Variants in KHDRBS3 observed in about 807,000 individuals in gnomAD.
KHDRBS3 encodes the protein KH domain-containing, RNA-binding, signal transduction-associated protein 3.
In KHDRBS3, 23 loss-of-function variants were observed where a neutral mutation model predicts 45.6. The ratio of observed to expected loss-of-function variants is 0.50; its 90% CI spans 0.36 to 0.72. The LOEUF (loss-of-function observed/expected upper bound fraction) is 0.72. Among genes scored for constraint, KHDRBS3 ranks in the 30% least tolerant of loss-of-function variants. The pLI is 0.00. For synonymous variants in KHDRBS3, 162 were observed against 156.5 expected (o/e 1.04, Z -0.26); for missense variants, 352 against 424.8 (o/e 0.83, Z 1.51).
chr8:135,616,631 A>G (rs12543485), intron 7 of KHDRBS3, among the ~76,000 whole-genome samples: 25,768 of 152,138 alleles, frequency 0.17, 3,359 homozygotes, highest in East Asian at 0.53. Context: ...CTTACGATCA[A>G]CCATTCATAG....
chr8:135,460,796 T>C (rs1263720534), intron 1 of KHDRBS3, among the ~76,000 whole-genome samples: 2 of 152,248 alleles, frequency 1.3e-5, no homozygotes, highest in Non-Finnish European at 2.9e-5. Context: ...AAAGCCCTCC[T>C]GTGACTAGTG....
intron 1 of KHDRBS3, among the ~76,000 whole-genome samples, chr8:135,494,245 C>T (rs553851297): frequency 3.5e-5 from 5 of 144,758 alleles, no homozygotes; most frequent in African/African-American, 7.7e-5. Context: ...GGTATCTTCT[C>T]GTTATTTTTT....
chr8:135,619,060 G>C (rs1830033084), intron 7 of KHDRBS3, among the ~76,000 whole-genome samples: 1 of 152,182 alleles, frequency 6.6e-6, no homozygotes, highest in Admixed American at 6.6e-5. Context: ...CACACTGCAA[G>C]TGTAAAGGCA....
At chr8:135,562,003 CAAATTTTAAA>C (rs1318464622) in intron 5 of KHDRBS3, among the ~76,000 whole-genome samples, 1 of 151,756 alleles carries the variant, frequency 6.6e-6, no homozygotes, top group Non-Finnish European at 1.5e-5. Flanking sequence ...TAAAAGTTGA[CAAATTTTAAA>C]AAATTACAGT....
intron 2 of KHDRBS3, among the ~76,000 whole-genome samples, chr8:135,529,639 G>T (rs907081579): frequency 6.6e-6 from 1 of 152,060 alleles, no homozygotes. Context: ...TTATTTTCCT[G>T]AGCCAATGAA....
rs1161713902 is a variant in KHDRBS3, at chr8:135,494,280, T to A, written c.89-26957T>A. 6.8e-5 allele frequency among the ~76,000 whole-genome samples: 9 copies of A among 132,318 alleles called. No individual in the cohort carries two copies. The East Asian group carries it at 8.8e-4, about 13-fold the overall frequency. The allele number at this position is 132,318 out of a possible 152,430, so 86.8% of individuals were successfully genotyped here. On this transcript the variant is annotated intron_variant, in intron 1 of 8. Coordinates refer to ENST00000355849, the MANE Select transcript of KHDRBS3 (RefSeq NM_006558.3). ...TCCTCTTCTGTTTCTCTTATTTTTT[T>A]TTTTTTTTTTTTTTTTGAGACAGAG... is the stretch of plus-strand genomic sequence containing the variant.
At position 135,564,063 on chromosome 8, in the gene KHDRBS3, C is replaced by T. The variant is rs189831156; in HGVS notation, c.611+6476C>T. 3.9e-5 allele frequency among the ~76,000 whole-genome samples: 6 copies of T among 152,292 alleles called. No individual in the cohort carries two copies. In the East Asian group the frequency reaches 1.2e-3, roughly 29 times the overall value. On this transcript the variant is annotated intron_variant, in intron 5 of 8. Transcript: ENST00000355849. ...CCCAGGGTCATTTATCAGTTTTCATCGAATCAGGGAAATTTTCAGCTACTG... is the reference window on the plus strand; with the variant it reads ...CCCAGGGTCATTTATCAGTTTTCATTGAATCAGGGAAATTTTCAGCTACTG...
At chr8:135,515,876 C>T (rs776586257) in intron 1 of KHDRBS3, among the ~76,000 whole-genome samples, 1 of 152,214 alleles carries the variant, frequency 6.6e-6, no homozygotes, top group Non-Finnish European at 1.5e-5. Context: ...TTTGTCCTCT[C>T]CATGCCAAAT....
rs550018795 is a variant in KHDRBS3 at position 135,482,611 on chromosome 8, G to A, written c.88+24657G>A. Among the ~76,000 whole-genome samples the A allele has an allele frequency of 1.1e-3, 169 of 152,168 alleles. No individual in the cohort carries two copies. The Middle Eastern group carries it at 0.034, about 31-fold the overall frequency. Reference sequence around the variant, plus strand: ...CATTTACTTCTTTGAGTTTTTGGGCGCGTGTGTATGCCGGGGTGGGTGAGA... The same window carrying A: ...CATTTACTTCTTTGAGTTTTTGGGCACGTGTGTATGCCGGGGTGGGTGAGA... On this transcript the variant is annotated intron_variant, in intron 1 of 8. Coordinates refer to ENST00000355849, the MANE Select transcript of KHDRBS3 (RefSeq NM_006558.3).
chr8:135,651,535 G>A (rs1339684428), downstream of KHDRBS3, among the ~76,000 whole-genome samples: 1 of 152,068 alleles, frequency 6.6e-6, no homozygotes, highest in Non-Finnish European at 1.5e-5. Context: ...GAAGGGTCTT[G>A]TAGGTTCTGC....
intron 1 of KHDRBS3, among the ~76,000 whole-genome samples, chr8:135,496,461 G>T (rs570151788): frequency 6.6e-6 from 1 of 152,144 alleles, no homozygotes; most frequent in South Asian, 2.1e-4. Flanking sequence ...TCGAACTCCT[G>T]ACCTCAGGTG....
chr8:135,603,233 C>A (rs1212864872), intron 6 of KHDRBS3, among the ~76,000 whole-genome samples: 1 of 152,178 alleles, frequency 6.6e-6, no homozygotes, highest in African/African-American at 2.4e-5. Context: ...ATCCTACTTA[C>A]TAGACTCCTT....
At position 135,464,105 on chromosome 8, in the gene KHDRBS3, C is replaced by T. The variant is rs1821575647; in HGVS notation, c.88+6151C>T. Among the ~76,000 whole-genome samples the T allele has an allele frequency of 2.6e-5, 4 of 152,090 alleles. No homozygotes were observed. The South Asian group carries it at 8.3e-4, about 32-fold the overall frequency. ...AAGTAGTCAGGCTGAAATTTTAAAC[C>T]AAGTCTGCAGTATTTTGTTAAGATA... On this transcript the variant is annotated intron_variant, in intron 1 of 8. Transcript: ENST00000355849.
Position 135,475,180 on chromosome 8 carries a change from C to T in KHDRBS3, c.88+17226C>T, listed in dbSNP as rs139022628. ...GCAGCCCTAATTCCCCTTTGACATGCGACTTAACATTTACAGGTTCTGGAG... is the reference window on the plus strand; with the variant it reads ...GCAGCCCTAATTCCCCTTTGACATGTGACTTAACATTTACAGGTTCTGGAG... On this transcript the variant is annotated intron_variant, in intron 1 of 8. Transcript: ENST00000355849. Among the ~76,000 whole-genome samples the T allele has an allele frequency of 1.5e-4, 23 of 152,276 alleles. No individual in the cohort carries two copies. In the East Asian group the frequency reaches 2.1e-3, roughly 14 times the overall value.
intron 2 of KHDRBS3, among the ~76,000 whole-genome samples, chr8:135,524,948 A>T (rs917254433): frequency 2.0e-5 from 3 of 152,136 alleles, no homozygotes; most frequent in Non-Finnish European, 2.9e-5. Context: ...GTCACTGAGT[A>T]CGGTTAAATA....
chr8:135,607,596 A>G (rs1413924313), intron 7 of KHDRBS3, among the ~76,000 whole-genome samples: 1 of 152,222 alleles, frequency 6.6e-6, no homozygotes, highest in African/African-American at 2.4e-5. Flanking sequence ...ACCTCTTCTG[A>G]TAATATTACC....
At chr8:135,629,502 AT>A (rs1482165392) in intron 7 of KHDRBS3, among the ~76,000 whole-genome samples, 3 of 152,216 alleles carry the variant, frequency 2.0e-5, no homozygotes, top group Non-Finnish European at 4.4e-5. Context: ...AACTTAAAAG[AT>A]TTAACTGCCT....
chr8:135,539,692 C>G (rs927325979), intron 2 of KHDRBS3: 5 of 152,114 alleles, frequency 3.3e-5, no homozygotes, highest in African/African-American at 1.2e-4. Context: ...GATGAAAAGT[C>G]TGAGACTCAG....
At chr8:135,505,150 A>G (rs190558008) in intron 1 of KHDRBS3, among the ~76,000 whole-genome samples, 115 of 152,338 alleles carry the variant, frequency 7.5e-4, no homozygotes, top group African/African-American at 2.4e-3. Context: ...CCAAAAAGCA[A>G]TATTGAAGTA....
Sources: gnomAD v4.1 joint callset for allele counts (sites outside exome capture counted in the v4.1 genomes callset) on GRCh38, gnomAD v4.1.1 for gene constraint, MANE v1.5 for transcripts, NCBI Gene and HGNC (gene_info 2026-07-23, HGNC 2026-07-21) for gene names.